The following IRF2 variants were observed in gnomAD, a reference collection of about 807,000 sequenced individuals.
IRF2 encodes interferon regulatory factor 2.
A neutral mutation model predicts 40.6 loss-of-function variants in IRF2; 15 were observed. That is an observed-to-expected ratio of 0.37 (90% confidence interval 0.25 to 0.57). IRF2 has a LOEUF of 0.57. Among genes scored for constraint, IRF2 ranks in the 20% least tolerant of loss-of-function variants. IRF2 has a pLI of 0.77. For missense variants in IRF2, 317 were observed against 455.7 expected (o/e 0.70, Z 2.77); for synonymous variants, 151 against 165.5 (o/e 0.91, Z 0.67).
Position 184,474,241 on chromosome 4 carries a change from G to A in IRF2, c.-7+138C>T, listed in dbSNP as rs1247228271. On this transcript the variant is annotated intron_variant, in intron 1 of 8. Coordinates refer to ENST00000393593, the MANE Select transcript of IRF2 (RefSeq NM_002199.4). The surrounding 1 kb of genome is among the most constrained non-coding windows in gnomAD (Gnocchi z 5.6). ...TCCAAAAATCAGTATTAATATTTAT[G>A]AACCCCGGCATTTTCCGTCTGCAAA... is the stretch of plus-strand genomic sequence containing the variant. 1 of 152,176 alleles carries A rather than the reference G, an allele frequency of 6.6e-6. No homozygotes were observed. The highest frequency in any genetic ancestry group is 2.4e-5 in the African/African-American group (1 of 41,364). 9.4% of individuals were successfully genotyped at this position (152,176 alleles called of 1,614,324 possible). A position where few individuals can be genotyped will look rare whatever the true frequency, so the allele number is the denominator to read the frequency against.
chr4:184,452,920 C>T (rs962964772), intron 1 of IRF2, among the ~76,000 whole-genome samples: 4 of 151,606 alleles, frequency 2.6e-5, no homozygotes, highest in African/African-American at 9.7e-5. Context: ...AATTTCCAAA[C>T]AGCAGCTTGG....
chr4:184,408,425 G>A lies in IRF2; in HGVS notation c.412-150C>T, dbSNP rs151286722. ...ATTCATCCCCTGCTTCTTTAAACTG[G>A]CCTGTTTTAAAGCACATTTCTGCCC... On this transcript the variant is annotated intron_variant, in intron 5 of 8. Coordinates refer to ENST00000393593, the MANE Select transcript of IRF2 (RefSeq NM_002199.4). This position sits in a 1 kb window ranked among gnomAD's most constrained non-coding sequence, Gnocchi z 4.9. 3.1e-4 allele frequency: 201 copies of A among 656,890 alleles called. No individual in the cohort carries two copies. The African/African-American group carries it at 3.5e-3, about 12-fold the overall frequency. 40.7% of individuals were successfully genotyped at this position (656,890 alleles called of 1,614,324 possible).
intron 3 of IRF2, 28 bp from the exon 4 acceptor site, chr4:184,418,736 AAG>A (rs777421604): frequency 3.0e-4 from 469 of 1,589,784 alleles, no homozygotes; most frequent in Non-Finnish European, 3.8e-4. Context: ...GATTAAGAAA[AAG>A]AGAGAAAACA....
At chr4:184,430,496 G>A (rs907282899) in intron 1 of IRF2, among the ~76,000 whole-genome samples, 4 of 152,034 alleles carry the variant, frequency 2.6e-5, no homozygotes, top group African/African-American at 9.7e-5. Flanking sequence ...GACCACTCCC[G>A]CCTAAAGTAG....
intron 2 of IRF2, among the ~76,000 whole-genome samples, chr4:184,420,163 C>T (rs1227738283): frequency 5.9e-5 from 9 of 152,212 alleles, no homozygotes; most frequent in South Asian, 2.1e-4. Flanking sequence ...CCACCACACC[C>T]GGCCCTGTGC....
chr4:184,403,698 G>A (rs1021754954), intron 6 of IRF2, among the ~76,000 whole-genome samples: 57 of 152,228 alleles, frequency 3.7e-4, no homozygotes, highest in African/African-American at 1.4e-3. Context: ...AGTTAATGAA[G>A]TCCAAACTGA....
chr4:184,459,585 A>T (rs926671413), intron 1 of IRF2, among the ~76,000 whole-genome samples: 3 of 152,222 alleles, frequency 2.0e-5, no homozygotes, highest in Non-Finnish European at 4.4e-5. Context: ...CATATACTGT[A>T]ATGGGGAGAA....
chr4:184,418,315 GC>G (rs1186385220), intron 4 of IRF2, 102 bp from the exon 5 acceptor site: 1 of 1,048,514 alleles, frequency 9.5e-7, no homozygotes, highest in Non-Finnish European at 1.5e-6. Flanking sequence ...TGAACCTGTT[GC>G]TTTAATCTGT....
chr4:184,451,903 A>G (rs1248784926), intron 1 of IRF2, among the ~76,000 whole-genome samples: 1 of 152,152 alleles, frequency 6.6e-6, no homozygotes, highest in Non-Finnish European at 1.5e-5. Context: ...ACAGGGATGG[A>G]ACAAGAAGAT....
chr4:184,401,245 G>A (rs1390110264), intron 6 of IRF2, among the ~76,000 whole-genome samples: 2 of 152,218 alleles, frequency 1.3e-5, no homozygotes, highest in Non-Finnish European at 2.9e-5. Flanking sequence ...TTATAAACAG[G>A]TTCCTGTTTT....
At chr4:184,460,563 T>G in intron 1 of IRF2, among the ~76,000 whole-genome samples, 1 of 152,148 alleles carries the variant, frequency 6.6e-6, no homozygotes. Flanking sequence ...CTTCAGTGCT[T>G]TTATGGATGA....
intron 6 of IRF2, among the ~76,000 whole-genome samples, chr4:184,404,726 C>A (rs998687005): frequency 6.6e-6 from 1 of 152,082 alleles, no homozygotes; most frequent in African/African-American, 2.4e-5. Context: ...CACTCGAGAG[C>A]CATGGTGGGA....
intron 7 of IRF2, among the ~76,000 whole-genome samples, chr4:184,395,338 G>A (rs989141784): frequency 1.9e-4 from 28 of 148,240 alleles, no homozygotes; most frequent in African/African-American, 1.7e-4. Context: ...GCGTGAACCC[G>A]GGAGGTGGAG....
chr4:184,408,304 A>G lies in IRF2; in HGVS notation c.412-29T>C. The G allele has an allele frequency of 1.5e-6, 2 of 1,344,936 alleles. No individual in the cohort carries two copies. The highest frequency in any genetic ancestry group is 2.1e-6 in the Non-Finnish European group (2 of 935,790). The allele number at this position is 1,344,936 out of a possible 1,614,324, so 83.3% of individuals were successfully genotyped here. ...GGAAGAAGAAAAGAAAAAAGAATTGAGAACACTTCCTTTCCCCTCCCTTCT... is the reference window on the plus strand; with the variant it reads ...GGAAGAAGAAAAGAAAAAAGAATTGGGAACACTTCCTTTCCCCTCCCTTCT... On this transcript the variant is annotated intron_variant, in intron 5 of 8. Transcript: ENST00000393593. The surrounding 1 kb of genome is among the most constrained non-coding windows in gnomAD (Gnocchi z 4.9).
chr4:184,410,606 C>T (rs1347707485), intron 5 of IRF2, among the ~76,000 whole-genome samples: 1 of 152,202 alleles, frequency 6.6e-6, no homozygotes, highest in Non-Finnish European at 1.5e-5. Context: ...CTTCAACTCC[C>T]TCAAAAAGAA....
At chr4:184,454,592 G>A (rs750935110) in intron 1 of IRF2, among the ~76,000 whole-genome samples, 7 of 152,280 alleles carry the variant, frequency 4.6e-5, no homozygotes, top group Non-Finnish European at 8.8e-5. Flanking sequence ...AGAGGTGGGA[G>A]GGTCGGATCT....
chr4:184,450,802 T>C (rs1191451970), intron 1 of IRF2, among the ~76,000 whole-genome samples: 1 of 147,414 alleles, frequency 6.8e-6, no homozygotes, highest in Non-Finnish European at 1.5e-5. Flanking sequence ...AAAGTTATTA[T>C]AAAAATACCT....
chr4:184,409,941 A>C (rs576528311), intron 5 of IRF2, among the ~76,000 whole-genome samples: 5 of 152,080 alleles, frequency 3.3e-5, no homozygotes, highest in Non-Finnish European at 7.4e-5. Flanking sequence ...GAAAACAAAA[A>C]ACAAAAAACA....
At chr4:184,432,900 T>A (rs1194781496) in intron 1 of IRF2, among the ~76,000 whole-genome samples, 2 of 152,194 alleles carry the variant, frequency 1.3e-5, no homozygotes, top group Non-Finnish European at 1.5e-5. Flanking sequence ...ATCTGAGACT[T>A]CTGACCTCCA....
Sources: gnomAD v4.1 joint callset for allele counts (sites outside exome capture counted in the v4.1 genomes callset) on GRCh38, gnomAD v4.1.1 for gene constraint, Gnocchi (gnomAD v3.1) non-coding constraint, MANE v1.5 for transcripts, NCBI Gene and HGNC (gene_info 2026-07-23, HGNC 2026-07-21) for gene names.